CTNNA3: variants seen among roughly 807,000 people sequenced by gnomAD.
CTNNA3 encodes catenin alpha-3.
Under a neutral mutation model 95.7 loss-of-function variants are expected in CTNNA3, and 76 were observed. The ratio of observed to expected loss-of-function variants is 0.79; its 90% CI spans 0.66 to 0.96. CTNNA3 has a LOEUF of 0.96. CTNNA3 is among the 40% of genes least tolerant of loss of function. CTNNA3 has a pLI of 0.00. For synonymous variants in CTNNA3, 431 were observed against 374.4 expected (o/e 1.15, Z -1.74); for missense variants, 1,191 against 1,089.8 (o/e 1.09, Z -1.31).
intron 10 of CTNNA3, among the ~76,000 whole-genome samples, chr10:66,561,081 AT>A (rs1164883550): frequency 2.0e-5 from 3 of 152,120 alleles, no homozygotes; most frequent in Non-Finnish European, 4.4e-5. Context: ...CTTTAAAAAA[AT>A]AAAAATAAAA....
intron 11 of CTNNA3, among the ~76,000 whole-genome samples, chr10:66,514,877 A>G (rs1589362276): frequency 6.6e-6 from 1 of 152,088 alleles, no homozygotes; most frequent in Non-Finnish European, 1.5e-5. Flanking sequence ...CTCTGAAAAT[A>G]TATGTTTAAC....
chr10:67,547,871 CAAATT>C (rs1445210911), intron 3 of CTNNA3, among the ~76,000 whole-genome samples: 4 of 152,118 alleles, frequency 2.6e-5, no homozygotes, highest in Non-Finnish European at 5.9e-5. Context: ...ACATTGCTGA[CAAATT>C]AAAGAAGACC....
intron 10 of CTNNA3, among the ~76,000 whole-genome samples, chr10:66,546,729 C>G (rs999916986): frequency 6.6e-6 from 1 of 152,054 alleles, no homozygotes; most frequent in Non-Finnish European, 1.5e-5. Flanking sequence ...GGGAAGCCAC[C>G]CTCATGATAC....
chr10:66,022,620 CACACACACACACAT>C (rs1479192903), intron 15 of CTNNA3, among the ~76,000 whole-genome samples: 3 of 129,590 alleles, frequency 2.3e-5, no homozygotes, highest in East Asian at 3.0e-4. Flanking sequence ...CACACACACA[CACACACACACACAT>C]ACACACACAC....
intron 15 of CTNNA3, among the ~76,000 whole-genome samples, chr10:66,009,031 C>T (rs981463477): frequency 5.9e-5 from 9 of 151,918 alleles, no homozygotes; most frequent in East Asian, 1.9e-4. Context: ...ACCCTGGAGG[C>T]GGAGGTTGCT....
At chr10:66,749,518 T>A (rs1052522937) in intron 9 of CTNNA3, among the ~76,000 whole-genome samples, 3 of 152,204 alleles carry the variant, frequency 2.0e-5, no homozygotes, top group African/African-American at 7.2e-5. Context: ...TTCAGTTTCT[T>A]CCATGTCTTT....
chr10:67,217,322 T>A (rs1230356452), intron 6 of CTNNA3, among the ~76,000 whole-genome samples: 1 of 152,224 alleles, frequency 6.6e-6, no homozygotes, highest in East Asian at 1.9e-4. Context: ...TTCTGCTTTA[T>A]CTAGTTCAGT....
At chr10:66,391,303 A>AAC (rs1030908272) in intron 11 of CTNNA3, among the ~76,000 whole-genome samples, 2 of 152,124 alleles carry the variant, frequency 1.3e-5, no homozygotes, top group Non-Finnish European at 1.5e-5. Flanking sequence ...TCTATAGAAG[A>AAC]ACACACACAC....
In CTNNA3 at chr10:66,927,289, C is replaced by A. The variant is rs1385585586; in HGVS notation, c.1048-151765G>T. ...TAGTTCCAATAGAATCTCCTATTTT[C>A]TTAACAATACCTTCAGACCTGTGAC... On this transcript the variant is annotated intron_variant, in intron 7 of 17. Transcript: ENST00000433211. The surrounding 1 kb of genome is among the most constrained non-coding windows in gnomAD (Gnocchi z 4.7). The A allele has an allele frequency of 1.9e-6, 3 of 1,614,014 alleles. No individual in the cohort carries two copies. The Admixed American group carries it at 5.0e-5, about 27-fold the overall frequency.
intron 12 of CTNNA3, among the ~76,000 whole-genome samples, chr10:66,326,360 G>T (rs539405209): frequency 4.6e-5 from 7 of 151,952 alleles, no homozygotes; most frequent in Non-Finnish European, 8.8e-5. Flanking sequence ...GATGCTACTC[G>T]ACATTTGGCA....
chr10:66,353,047 CATAA>C (rs1011179064), intron 12 of CTNNA3, among the ~76,000 whole-genome samples: 4 of 151,900 alleles, frequency 2.6e-5, no homozygotes, highest in African/African-American at 4.8e-5. Context: ...TATATTTCAT[CATAA>C]ATAAATATTG....
At chr10:67,438,406 G>T (rs1846380754) in intron 5 of CTNNA3, among the ~76,000 whole-genome samples, 1 of 152,090 alleles carries the variant, frequency 6.6e-6, no homozygotes, top group Admixed American at 6.6e-5. Flanking sequence ...GACCTTATTG[G>T]CCTCAGCATC....
At chr10:66,090,767 T>C (rs7905122) in intron 14 of CTNNA3, among the ~76,000 whole-genome samples, 33,924 of 151,930 alleles carry the variant, frequency 0.22, 3,857 homozygotes, top group South Asian at 0.36. Flanking sequence ...TATATGTCTG[T>C]TCATATTTAC....
At chr10:67,664,966 A>C (rs552585726) in intron 1 of CTNNA3, among the ~76,000 whole-genome samples, 1 of 152,334 alleles carries the variant, frequency 6.6e-6, no homozygotes, top group East Asian at 1.9e-4. Context: ...CATAACTTTT[A>C]ATTAAAAGCA....
At chr10:66,568,838 G>A (rs1564538699) in intron 10 of CTNNA3, among the ~76,000 whole-genome samples, 1 of 151,780 alleles carries the variant, frequency 6.6e-6, no homozygotes. Context: ...TACATACATG[G>A]GGCAGAATGA....
intron 5 of CTNNA3, among the ~76,000 whole-genome samples, chr10:67,297,798 T>C (rs1357704202): frequency 6.6e-6 from 1 of 152,206 alleles, no homozygotes; most frequent in Admixed American, 6.5e-5. Flanking sequence ...TTGTTCATTA[T>C]GGACAGGTCA....
At chr10:65,950,311 C>T (rs1352185765) in intron 17 of CTNNA3, among the ~76,000 whole-genome samples, 1 of 152,094 alleles carries the variant, frequency 6.6e-6, no homozygotes, top group Non-Finnish European at 1.5e-5. Flanking sequence ...GTGCCTTTTT[C>T]CACATCTGCT....
intron 7 of CTNNA3, among the ~76,000 whole-genome samples, chr10:67,144,606 C>G (rs1406365406): frequency 6.6e-6 from 1 of 152,168 alleles, no homozygotes; most frequent in Non-Finnish European, 1.5e-5. Flanking sequence ...TGACTTATTT[C>G]CTTACATGAA....
At chr10:66,383,950 G>A (rs550276294) in intron 11 of CTNNA3, among the ~76,000 whole-genome samples, 1 of 152,182 alleles carries the variant, frequency 6.6e-6, no homozygotes, top group East Asian at 1.9e-4. Flanking sequence ...AAGGAAGCAT[G>A]AAACATGGAA....
Sources: gnomAD v4.1 joint callset for allele counts (sites outside exome capture counted in the v4.1 genomes callset) on GRCh38, gnomAD v4.1.1 for gene constraint, Gnocchi (gnomAD v3.1) non-coding constraint, MANE v1.5 for transcripts, NCBI Gene and HGNC (gene_info 2026-07-23, HGNC 2026-07-21) for gene names.